Variants in COL4A3 observed in about 807,000 individuals in gnomAD.
COL4A3 encodes collagen alpha-3(IV) chain.
COL4A3 carries 135 observed loss-of-function variants against 217.4 expected under a neutral mutation model. That is an observed-to-expected ratio of 0.62 (90% CI 0.54 to 0.72). The LOEUF (loss-of-function observed/expected upper bound fraction) is 0.72, where lower values mean the gene tolerates loss of function less well. Ranked by LOEUF, COL4A3 falls within the 30% of genes least tolerant of loss-of-function variation. COL4A3 has a pLI of 0.00. For missense variants in COL4A3, 1,868 were observed against 2,119.9 expected, an observed-to-expected ratio of 0.88 and a Z score of 2.33; for synonymous variants, 690 against 736.3, an observed-to-expected ratio of 0.94 and a Z score of 1.02.
intron 1 of COL4A3, among the ~76,000 whole-genome samples, chr2:227,226,458 A>G (rs1460153272): frequency 2.0e-5 from 3 of 148,170 alleles, no homozygotes; most frequent in African/African-American, 7.5e-5. Context: ...TTAAGTTTCT[A>G]TTCTAATGTT....
At chr2:227,266,270 G>A in intron 21 of COL4A3, 147 bp from the exon 22 acceptor site, 1 of 695,272 alleles carries the variant, frequency 1.4e-6, no homozygotes, top group East Asian at 2.7e-5. Flanking sequence ...TGGTCACCAT[G>A]CTTTCTCAGT....
chr2:227,299,170 C>T (rs370795446), intron 43 of COL4A3, among the ~76,000 whole-genome samples: 24 of 152,174 alleles, frequency 1.6e-4, no homozygotes, highest in East Asian at 7.8e-4. Flanking sequence ...CCGAGGCGGG[C>T]GGATCACGAG....
chr2:227,311,440 C>T (rs542874437), intron 51 of COL4A3, among the ~76,000 whole-genome samples: 19 of 150,810 alleles, frequency 1.3e-4, no homozygotes, highest in Middle Eastern at 3.4e-3. Flanking sequence ...AGTGCAGTGG[C>T]GCGACCTGGG....
chr2:227,245,537 G>A (rs115173351), intron 5 of COL4A3, among the ~76,000 whole-genome samples: 2,665 of 152,178 alleles, frequency 0.018, 81 homozygotes, highest in African/African-American at 0.06. Context: ...CACAGGTGCT[G>A]AAGGAAACTA....
chr2:227,220,461 G>A (rs922178195), intron 1 of COL4A3, among the ~76,000 whole-genome samples: 1 of 151,772 alleles, frequency 6.6e-6, no homozygotes, highest in Admixed American at 6.6e-5. Context: ...GGGATTGCAG[G>A]CGTGAGCCAC....
Position 227,263,811 on chromosome 2 carries a change from T to A in COL4A3, c.1182T>A (p.Pro394=). The change falls in exon 21 of 52, where the codon CCT becomes CCA. Residue 394 remains proline, a synonymous_variant. Coordinates refer to ENST00000396578, the MANE Select transcript of COL4A3 (RefSeq NM_000091.5). ...CAAGGCCTGGCCTCAGAGGAGCCCC[T>A]GGATGGCCAGGCCTGAAAGGAAGTA... ...GSSRPGLRGA[P]GWPGLKGSKG... 1 of 1,614,080 alleles carries A rather than the reference T, an allele frequency of 6.2e-7. No homozygotes were observed. Among genetic ancestry groups the A allele is most frequent in the Non-Finnish European group, 8.5e-7 (1 of 1,179,948 alleles).
chr2:227,249,230 A>ATATATATATTTTTTTTTTTTT, intron 9 of COL4A3, among the ~76,000 whole-genome samples: 3 of 14,690 alleles, frequency 2.0e-4, no homozygotes, highest in African/African-American at 8.0e-4. Flanking sequence ...ATATATATAT[A>ATATATATATTTTTTTTTTTTT]TTTTTTTTTT....
At chr2:227,255,443 C>T (rs546905905) in intron 15 of COL4A3, among the ~76,000 whole-genome samples, 1 of 151,654 alleles carries the variant, frequency 6.6e-6, no homozygotes, top group East Asian at 1.9e-4. Context: ...ATCTACAAAA[C>T]TTATACATAA....
chr2:227,222,656 G>A (rs1239568778), intron 1 of COL4A3: 5 of 152,214 alleles, frequency 3.3e-5, no homozygotes, highest in Admixed American at 2.6e-4. Context: ...GCGGGTTGAG[G>A]GAGGTAGTCT....
At chr2:227,172,812 C>A (rs1326120638) in intron 1 of COL4A3, among the ~76,000 whole-genome samples, 1 of 152,050 alleles carries the variant, frequency 6.6e-6, no homozygotes, top group Admixed American at 6.5e-5. Context: ...ATCTCAGACT[C>A]CTGACCTCAA....
intron 1 of COL4A3, among the ~76,000 whole-genome samples, chr2:227,236,690 C>T (rs1316270742): frequency 6.9e-6 from 1 of 145,308 alleles, no homozygotes; most frequent in Non-Finnish European, 1.5e-5. Context: ...GACAGAGTCT[C>T]ACTCTGTCAC....
chr2:227,184,585 GTCTT>G (rs1160183370), intron 1 of COL4A3, among the ~76,000 whole-genome samples: 1 of 152,142 alleles, frequency 6.6e-6, no homozygotes, highest in African/African-American at 2.4e-5. Flanking sequence ...TCACTTCCAA[GTCTT>G]TCTTTATTAA....
At chr2:227,259,758 A>G (rs568182261) in intron 18 of COL4A3, 35 bp from the exon 19 acceptor site, 1 of 1,457,654 alleles carries the variant, frequency 6.9e-7, no homozygotes, top group Non-Finnish European at 9.6e-7. Flanking sequence ...ATAAATAGCT[A>G]TCCTTTCTCT....
intron 38 of COL4A3, chr2:227,294,230 G>A (rs760062635): frequency 1.6e-5 from 7 of 444,068 alleles, no homozygotes; most frequent in Non-Finnish European, 2.0e-5. Context: ...CATTTAACTC[G>A]CAATTAAAAT....
Position 227,297,609 on chromosome 2 carries a change from T to C in COL4A3, c.3566-65T>C, listed in dbSNP as rs2106246313. 2.7e-6 allele frequency: 4 copies of C among 1,459,412 alleles called. No homozygotes were observed. The Admixed American group carries it at 7.8e-5, about 28-fold the overall frequency. 90.4% of individuals were successfully genotyped at this position (1,459,412 alleles called of 1,614,324 possible). On this transcript the variant is annotated intron_variant, in intron 41 of 51. Transcript: ENST00000396578. ...AGCAAAGTACCTACATTATTAAAGA[T>C]AGTCAAGAACTCTAACCCAAGCATA...
chr2:227,246,777 G>C, intron 7 of COL4A3, 39 bp downstream of exon 7: 2 of 1,551,430 alleles, frequency 1.3e-6, no homozygotes, highest in Non-Finnish European at 1.8e-6. Flanking sequence ...AAGACATAAA[G>C]TATAAATAAC....
intron 41 of COL4A3, 149 bp downstream of exon 41, chr2:227,295,465 T>C: frequency 1.4e-6 from 1 of 735,858 alleles, no homozygotes; most frequent in Non-Finnish European, 2.4e-6. Flanking sequence ...GTCTTCAATT[T>C]AAAATGTTTA....
At chr2:227,178,494 C>A (rs953619093) in intron 1 of COL4A3, among the ~76,000 whole-genome samples, 1 of 152,134 alleles carries the variant, frequency 6.6e-6, no homozygotes, top group Non-Finnish European at 1.5e-5. Flanking sequence ...CAGATGCTTT[C>A]TTAACAAATG....
At chr2:227,237,849 GC>G (rs1424900268) in intron 1 of COL4A3, 118 bp from the exon 2 acceptor site, 4 of 749,032 alleles carry the variant, frequency 5.3e-6, no homozygotes, top group Non-Finnish European at 9.9e-6. Context: ...AGGTCACCTG[GC>G]TCCTAACAGA....
Sources: allele counts gnomAD v4.1 joint callset (sites outside exome capture counted in the v4.1 genomes callset), GRCh38; gene constraint gnomAD v4.1.1; transcripts MANE v1.5; gene names NCBI Gene and HGNC (gene_info 2026-07-23, HGNC 2026-07-21).